RPL11: variants seen among roughly 807,000 people sequenced by gnomAD.
RPL11 encodes ribosomal protein L11, also known as large ribosomal subunit protein uL5.
In RPL11, 3 loss-of-function variants were observed where a neutral mutation model predicts 24.1. The ratio of observed to expected loss-of-function variants is 0.12; its 90% CI spans 0.06 to 0.32. RPL11 has a LOEUF of 0.32. Among genes scored for constraint, RPL11 ranks in the 10% least tolerant of loss-of-function variants. The pLI is 1.00. For synonymous variants in RPL11, 96 were observed against 75.7 expected (o/e 1.27, Z -1.39); for missense variants, 146 against 225.7 (o/e 0.65, Z 2.26).
intron 5 of RPL11, 24 bp downstream of exon 5, chr1:23,695,932 A>C (rs1420388330): frequency 3.2e-6 from 5 of 1,554,230 alleles, no homozygotes; most frequent in Non-Finnish European, 4.4e-6. Context: ...ATCTCAAGTG[A>C]AGTGGTGGAA....
At chr1:23,694,820 T>A (rs535398404) in intron 4 of RPL11, 29 bp downstream of exon 4, 1 of 1,614,174 alleles carries the variant, frequency 6.2e-7, no homozygotes, top group Non-Finnish European at 8.5e-7. Flanking sequence ...TTCCCGCTCC[T>A]GGTCTGTGAG....
intron 1 of RPL11, 169 bp downstream of exon 1, chr1:23,691,998 C>T (rs897666866): frequency 2.2e-6 from 2 of 909,442 alleles, no homozygotes; most frequent in Non-Finnish European, 3.5e-6. Flanking sequence ...TGAATTCTGT[C>T]ACTTTCCCTG....
intron 1 of RPL11, 175 bp downstream of exon 1, chr1:23,692,004 C>T (rs993321831): frequency 2.3e-6 from 2 of 875,610 alleles, no homozygotes; most frequent in East Asian, 2.5e-5. Flanking sequence ...CTGTCACTTT[C>T]CCTGCCATCG....
intron 3 of RPL11, 151 bp from the exon 4 acceptor site, chr1:23,694,509 A>G: frequency 1.0e-6 from 1 of 974,590 alleles, no homozygotes; most frequent in Non-Finnish European, 1.6e-6. Context: ...GTCGAGGTAT[A>G]GTGAGGAAGT....
intron 1 of RPL11, 184 bp from the exon 2 acceptor site, chr1:23,692,425 A>AG: frequency 1.5e-6 from 1 of 665,348 alleles, no homozygotes; most frequent in South Asian, 1.8e-5. Flanking sequence ...CCGTTCGTGG[A>AG]GGAAGGATAG....
chr1:23,692,494 G>A, intron 1 of RPL11, 115 bp from the exon 2 acceptor site: 1 of 1,345,156 alleles, frequency 7.4e-7, no homozygotes, highest in Non-Finnish European at 1.1e-6. Context: ...TAAACATTCA[G>A]GGTCTTCGTT....
chr1:23,693,988 T>C (rs1045194658), intron 3 of RPL11, 75 bp downstream of exon 3: 3 of 1,092,548 alleles, frequency 2.7e-6, no homozygotes, highest in Non-Finnish European at 2.8e-6. Context: ...TTACATTTAA[T>C]GTTCTGTTCT....
Position 23,696,418 on chromosome 1 carries a change from A to G in RPL11, c.*45A>G. On this transcript the variant is annotated 3_prime_UTR_variant, in exon 6 of 6. Transcript: ENST00000643754. ...AGAGCAATAAAAAGTTTTCAGTGAA[A>G]TGTGCAATTCTGTTGTGTGTTCTGT... 1 of 1,581,314 alleles carries G rather than the reference A, an allele frequency of 6.3e-7. No individual in the cohort carries two copies. Among genetic ancestry groups the G allele is most frequent in the Non-Finnish European group, 8.7e-7 (1 of 1,150,482 alleles).
At chr1:23,692,881 T>C (rs1644510080) in intron 2 of RPL11, 122 bp downstream of exon 2, 4 of 1,280,338 alleles carry the variant, frequency 3.1e-6, no homozygotes, top group Non-Finnish European at 4.4e-6. Context: ...ATTAAATTCA[T>C]GAGCCGGCCA....
intron 1 of RPL11, chr1:23,692,353 C>T (rs1644505813): frequency 4.1e-6 from 2 of 487,652 alleles, no homozygotes; most frequent in Admixed American, 3.3e-5. Flanking sequence ...TCTTAGGGTT[C>T]GATCTCAGTG....
At chr1:23,692,895 G>A in intron 2 of RPL11, 136 bp downstream of exon 2, 1 of 1,026,230 alleles carries the variant, frequency 9.7e-7, no homozygotes, top group South Asian at 1.6e-5. Flanking sequence ...CCGGCCAAGA[G>A]GTGTCTTTTT....
intron 1 of RPL11, 83 bp downstream of exon 1, chr1:23,691,912 C>T (rs1279153384): frequency 6.3e-7 from 1 of 1,585,272 alleles, no homozygotes; most frequent in African/African-American, 1.3e-5. Context: ...ACTTCGCCCG[C>T]AGCCCGAGGA....
chr1:23,694,818 C>G (rs751010573), intron 4 of RPL11, 27 bp downstream of exon 4: 1 of 1,614,030 alleles, frequency 6.2e-7, no homozygotes, highest in Admixed American at 1.7e-5. Context: ...TTTTCCCGCT[C>G]CTGGTCTGTG....
rs1233067921 is a variant in RPL11, at chr1:23,696,324, T to G, written c.508-20T>G. ...GCTGTTGCCTCCTGTTCTGAAAAAA[T>G]TAAATCTCTTCTCTTTCAGTATGAT... On this transcript the variant is annotated intron_variant, in intron 5 of 5. Transcript: ENST00000643754. 2 of 1,613,524 alleles carry G rather than the reference T, an allele frequency of 1.2e-6. No individual in the cohort carries two copies. Among genetic ancestry groups the G allele is most frequent in the Non-Finnish European group, 1.7e-6 (2 of 1,179,516 alleles).
rs1644508785 is a variant in RPL11 at position 23,692,716 on chromosome 1, G to C, written c.114G>C (p.Lys38Asn). 6.2e-7 allele frequency: 1 copy of C among 1,613,890 alleles called. No individual in the cohort carries two copies. ...GAGACAGACTGACGCGAGCAGCCAA[G>C]GTGTTGGAGCAGCTCACAGGGCAGA... The part of the protein sequence containing the change: ...ESGDRLTRAA[K>N]VLEQLTGQTP... Residue 38 changes from lysine to asparagine, a missense_variant, in exon 2 of 6, where the codon AAG (lysine) becomes AAC (asparagine). Lys to Asn is a moderately conservative substitution (Grantham distance 94). Coordinates refer to ENST00000643754, the MANE Select transcript of RPL11 (RefSeq NM_000975.5).
At chr1:23,692,076 CG>C in intron 1 of RPL11, 1 of 600,500 alleles carries the variant, frequency 1.7e-6, no homozygotes, top group South Asian at 2.0e-5. Context: ...GAGGCTGCAG[CG>C]GGGGCAGATG....
intron 5 of RPL11, 91 bp downstream of exon 5, chr1:23,695,999 T>C: frequency 8.2e-7 from 1 of 1,220,880 alleles, no homozygotes; most frequent in South Asian, 1.3e-5. Flanking sequence ...TACTATTTGC[T>C]GGGTATCTTC....
rs768654673 is a variant in RPL11, at chr1:23,693,800, C to G, written c.158-7C>G. 25 of 1,611,290 alleles carry G rather than the reference C, an allele frequency of 1.6e-5. No individual in the cohort carries two copies. Among genetic ancestry groups the G allele is most frequent in the Non-Finnish European group, 2.1e-5 (25 of 1,177,690 alleles). On this transcript the variant is annotated splice_region_variant and splice_polypyrimidine_tract_variant and intron_variant, in intron 2 of 5. Coordinates refer to ENST00000643754, the MANE Select transcript of RPL11 (RefSeq NM_000975.5). ...GCATCTGACTCCTTGTTACCCACTT[C>G]CTGCAGCTAGATACACTGTCAGATC... is the stretch of plus-strand genomic sequence containing the variant.
At chr1:23,695,696 C>A (rs1021593853) in intron 4 of RPL11, 102 bp from the exon 5 acceptor site, 18 of 1,093,280 alleles carry the variant, frequency 1.6e-5, no homozygotes, top group Middle Eastern at 2.8e-4. Context: ...ATCCATTGGG[C>A]TGCCAAGTGA....
Sources: allele counts gnomAD v4.1 joint callset, GRCh38; gene constraint gnomAD v4.1.1; transcripts MANE v1.5; gene names NCBI Gene and HGNC (gene_info 2026-07-23, HGNC 2026-07-21).